Variants in BCAT1 observed in about 807,000 individuals in gnomAD.
The protein encoded by BCAT1 is branched chain amino acid transaminase 1, also known as branched-chain-amino-acid aminotransferase, cytosolic.
Under a neutral mutation model 52.4 loss-of-function variants are expected in BCAT1, and 48 were observed. The ratio of observed to expected loss-of-function variants is 0.92; its 90% confidence interval spans 0.73 to 1.16. The LOEUF (loss-of-function observed/expected upper bound fraction) is 1.16, where lower values mean the gene tolerates loss of function less well. Ranked by LOEUF, BCAT1 falls within the 50% of genes most tolerant of loss-of-function variation. The probability of loss-of-function intolerance (pLI) is 0.00; values close to 1 mark genes in which losing one functional copy is unlikely to be tolerated. For missense variants in BCAT1, 451 were observed against 457.1 expected, an observed-to-expected ratio of 0.99 and a Z score of 0.12; for synonymous variants, 167 against 161.3, an observed-to-expected ratio of 1.04 and a Z score of -0.27.
intron 1 of BCAT1, among the ~76,000 whole-genome samples, chr12:24,943,877 A>G (rs1044981800): frequency 1.3e-4 from 20 of 152,206 alleles, no homozygotes; most frequent in South Asian, 6.2e-4. Context: ...CCAGCTACTC[A>G]GGAAGCTGAG....
chr12:24,840,360 A>T (rs1475556254), intron 7 of BCAT1, among the ~76,000 whole-genome samples: 1 of 152,150 alleles, frequency 6.6e-6, no homozygotes, highest in Non-Finnish European at 1.5e-5. Context: ...GAGTGGGCAG[A>T]TGGGAAGAAG....
chr12:24,873,704 GA>G lies in BCAT1; in HGVS notation c.510+4825del, dbSNP rs558444254. 3.0e-3 allele frequency among the ~76,000 whole-genome samples: 451 copies of G among 152,200 alleles called. 2 individuals carry two copies. The highest frequency in any genetic ancestry group is 5.2e-3 in the Non-Finnish European group (353 of 68,000). Reference sequence around the variant, plus strand: ...CTTACCAATTCAGCATCCCTAATCTGAAAAAATGAAATCTGAAATGCTCCAA... The same window carrying G: ...CTTACCAATTCAGCATCCCTAATCTGAAAAATGAAATCTGAAATGCTCCAA... On this transcript the variant is annotated intron_variant, in intron 5 of 10. Coordinates refer to ENST00000261192, the MANE Select transcript of BCAT1 (RefSeq NM_005504.7).
At chr12:24,859,589 C>G (rs974580788) in intron 5 of BCAT1, among the ~76,000 whole-genome samples, 1 of 145,658 alleles carries the variant, frequency 6.9e-6, no homozygotes, top group Admixed American at 6.9e-5. Flanking sequence ...CCACTGAACT[C>G]CAGCTGGGCG....
chr12:24,923,932 T>C (rs959891426), intron 1 of BCAT1, among the ~76,000 whole-genome samples: 1 of 152,234 alleles, frequency 6.6e-6, no homozygotes, highest in African/African-American at 2.4e-5. Context: ...TCAATTAATT[T>C]AATTTTTATT....
rs941176065 is a variant in BCAT1, at chr12:24,864,530, C to T, written c.510+14000G>A. Among the ~76,000 whole-genome samples the T allele has an allele frequency of 2.0e-4, 30 of 152,202 alleles. No homozygotes were observed. The East Asian group carries it at 2.3e-3, about 12-fold the overall frequency. ...TTAGTCACATGTCCCTGCCTGCTTA[C>T]GTGGTCACCCTTAGAAGGAGAACTA... On this transcript the variant is annotated intron_variant, in intron 5 of 10. Coordinates refer to ENST00000261192, the MANE Select transcript of BCAT1 (RefSeq NM_005504.7).
At chr12:24,926,183 G>A (rs1943580104) in intron 1 of BCAT1, among the ~76,000 whole-genome samples, 1 of 151,070 alleles carries the variant, frequency 6.6e-6, no homozygotes, top group South Asian at 2.1e-4. Context: ...TGAGATGTGG[G>A]GAGCGCCTCT....
chr12:24,932,164 A>G (rs921143893), intron 1 of BCAT1, among the ~76,000 whole-genome samples: 1 of 152,238 alleles, frequency 6.6e-6, no homozygotes, highest in African/African-American at 2.4e-5. Flanking sequence ...AAATGTAACC[A>G]TAGTACACTA....
intron 10 of BCAT1, among the ~76,000 whole-genome samples, chr12:24,823,205 C>T (rs1940220221): frequency 6.6e-6 from 1 of 150,782 alleles, no homozygotes; most frequent in South Asian, 2.1e-4. Context: ...ACATGTGACA[C>T]CATGCCCGAT....
At chr12:24,925,875 G>C (rs903584093) in intron 1 of BCAT1, among the ~76,000 whole-genome samples, 1 of 152,358 alleles carries the variant, frequency 6.6e-6, no homozygotes, top group East Asian at 1.9e-4. Context: ...TGCAGACGGA[G>C]TCTCGTTCAC....
At chr12:24,828,805 A>C (rs1422861815) in intron 10 of BCAT1, among the ~76,000 whole-genome samples, 1 of 152,156 alleles carries the variant, frequency 6.6e-6, no homozygotes, top group African/African-American at 2.4e-5. Context: ...CAAGAGTTCA[A>C]GACCAGCCTG....
At chr12:24,831,891 C>A (rs1166924784) in intron 9 of BCAT1, among the ~76,000 whole-genome samples, 1 of 151,758 alleles carries the variant, frequency 6.6e-6, no homozygotes, top group Admixed American at 6.6e-5. Context: ...AAAAGTATGG[C>A]ACATATAAAA....
chr12:24,832,678 T>G, intron 9 of BCAT1, 45 bp downstream of exon 9: 1 of 1,542,822 alleles, frequency 6.5e-7, no homozygotes, highest in Non-Finnish European at 8.8e-7. Context: ...AAATGTAATT[T>G]AATGTGATTG....
At chr12:24,910,422 T>C (rs1354292210) in intron 1 of BCAT1, among the ~76,000 whole-genome samples, 1 of 148,416 alleles carries the variant, frequency 6.7e-6, no homozygotes, top group Non-Finnish European at 1.5e-5. Context: ...AATAAATAAA[T>C]AAATTATTGT....
At chr12:24,931,816 A>G (rs922040452) in intron 1 of BCAT1, among the ~76,000 whole-genome samples, 2 of 152,196 alleles carry the variant, frequency 1.3e-5, no homozygotes, top group Non-Finnish European at 2.9e-5. Flanking sequence ...AGTAAAGTAA[A>G]AAGGAGAACG....
At chr12:24,890,183 C>T (rs1472446516) in intron 3 of BCAT1, among the ~76,000 whole-genome samples, 1 of 152,218 alleles carries the variant, frequency 6.6e-6, no homozygotes, top group Admixed American at 6.5e-5. Context: ...TGATGCCTCT[C>T]AGTCAGACAT....
At chr12:24,848,812 T>C (rs1218104917) in intron 6 of BCAT1, among the ~76,000 whole-genome samples, 4 of 152,212 alleles carry the variant, frequency 2.6e-5, no homozygotes, top group Non-Finnish European at 5.9e-5. Flanking sequence ...TTTGGATTTC[T>C]CTACCCATTG....
chr12:24,865,194 AAT>A (rs1182195984), intron 5 of BCAT1, among the ~76,000 whole-genome samples: 1 of 152,198 alleles, frequency 6.6e-6, no homozygotes, highest in East Asian at 1.9e-4. Flanking sequence ...TCCCCTGAAT[AAT>A]AGACTTTCAC....
chr12:24,898,141 A>G (rs1943001608), intron 2 of BCAT1, among the ~76,000 whole-genome samples: 1 of 152,202 alleles, frequency 6.6e-6, no homozygotes. Flanking sequence ...CAAATTTTAT[A>G]AACAATTTTT....
chr12:24,841,838 GCAGTGAGCTGAGATCA>G (rs1314510443), intron 7 of BCAT1, among the ~76,000 whole-genome samples: 2 of 152,168 alleles, frequency 1.3e-5, no homozygotes, highest in African/African-American at 4.8e-5. Context: ...GAACCAGGGT[GCAGTGAGCTGAGATCA>G]CACCATTGCA....
Sources: allele counts gnomAD v4.1 joint callset (sites outside exome capture counted in the v4.1 genomes callset), GRCh38; gene constraint gnomAD v4.1.1; transcripts MANE v1.5; gene names NCBI Gene and HGNC (gene_info 2026-07-23, HGNC 2026-07-21).